Variants in WWOX observed in about 807,000 individuals in gnomAD.
WWOX encodes the protein WW domain-containing oxidoreductase.
Under a neutral mutation model 46.2 loss-of-function variants are expected in WWOX, and 69 were observed. That is an observed-to-expected ratio of 1.49 (90% confidence interval 1.23 to 1.82). WWOX has a LOEUF of 1.82. WWOX is among the 40% of genes most tolerant of loss of function. The probability of loss-of-function intolerance (pLI) is 0.00; values close to 1 mark genes in which losing one functional copy is unlikely to be tolerated. For missense variants in WWOX, 919 were observed against 542.6 expected, an observed-to-expected ratio of 1.69 and a Z score of -6.89; for synonymous variants, 359 against 202.6, an observed-to-expected ratio of 1.77 and a Z score of -6.56.
chr16:78,569,160 C>T (rs574016679), intron 8 of WWOX, among the ~76,000 whole-genome samples: 7 of 152,236 alleles, frequency 4.6e-5, no homozygotes, highest in African/African-American at 1.7e-4. Context: ...GAGGGAAGAA[C>T]CCTATGGGCA....
At chr16:78,310,212 C>A (rs1449489553) in intron 5 of WWOX, among the ~76,000 whole-genome samples, 1 of 151,950 alleles carries the variant, frequency 6.6e-6, no homozygotes, top group Non-Finnish European at 1.5e-5. Flanking sequence ...TTCCTTCTAC[C>A]CACGAATTTT....
At chr16:78,579,269 G>A (rs962730872) in intron 8 of WWOX, among the ~76,000 whole-genome samples, 1 of 152,156 alleles carries the variant, frequency 6.6e-6, no homozygotes, top group Non-Finnish European at 1.5e-5. Context: ...AAGGAGATAA[G>A]TACTTAAATT....
intron 8 of WWOX, among the ~76,000 whole-genome samples, chr16:78,438,541 C>T (rs941452882): frequency 7.2e-5 from 11 of 152,060 alleles, no homozygotes; most frequent in African/African-American, 2.7e-4. Context: ...CCTTTGTGGA[C>T]CAGTATGCAG....
intron 5 of WWOX, among the ~76,000 whole-genome samples, chr16:78,234,446 G>A (rs1003916029): frequency 6.6e-6 from 1 of 152,082 alleles, no homozygotes; most frequent in African/African-American, 2.4e-5. Context: ...CCATACCGCT[G>A]GCTAAAGTGG....
intron 6 of WWOX, among the ~76,000 whole-genome samples, chr16:78,396,472 G>C (rs922378115): frequency 3.3e-5 from 5 of 152,130 alleles, no homozygotes; most frequent in African/African-American, 1.2e-4. Context: ...TGAAATCAAA[G>C]TCATATATGT....
chr16:79,023,681 A>T (rs2047580218), intron 8 of WWOX, among the ~76,000 whole-genome samples: 2 of 152,054 alleles, frequency 1.3e-5, no homozygotes, highest in Admixed American at 6.6e-5. Context: ...GCACTTTGGG[A>T]GGCTGAGGCA....
chr16:79,023,340 C>G (rs1399007873), intron 8 of WWOX, among the ~76,000 whole-genome samples: 2 of 152,208 alleles, frequency 1.3e-5, no homozygotes, highest in Non-Finnish European at 2.9e-5. Flanking sequence ...CCAGCATCCT[C>G]TTGGTATGAG....
intron 8 of WWOX, among the ~76,000 whole-genome samples, chr16:78,955,836 G>A (rs370513089): frequency 3.3e-5 from 5 of 151,366 alleles, no homozygotes; most frequent in African/African-American, 7.3e-5. Context: ...TAAAGATGAG[G>A]TCTCACTATG....
intron 8 of WWOX, among the ~76,000 whole-genome samples, chr16:79,104,723 C>G (rs2049272609): frequency 6.6e-6 from 1 of 152,034 alleles, no homozygotes; most frequent in African/African-American, 2.4e-5. Flanking sequence ...AATGCTGGGC[C>G]CCAGCATGAG....
At chr16:78,401,450 C>T (rs908229067) in intron 6 of WWOX, among the ~76,000 whole-genome samples, 2 of 152,054 alleles carry the variant, frequency 1.3e-5, no homozygotes, top group African/African-American at 2.4e-5. Context: ...TGTAGCCCAT[C>T]AATTGTCTAA....
intron 8 of WWOX, among the ~76,000 whole-genome samples, chr16:79,125,043 CCAT>C (rs76499760): frequency 6.9e-5 from 8 of 116,316 alleles, no homozygotes; most frequent in African/African-American, 2.9e-4. Flanking sequence ...ACCTATTTTC[CCAT>C]CTTTTTTTTT....
At chr16:79,047,276 G>A (rs1165859791) in intron 8 of WWOX, among the ~76,000 whole-genome samples, 1 of 152,186 alleles carries the variant, frequency 6.6e-6, no homozygotes, top group Non-Finnish European at 1.5e-5. Flanking sequence ...AAATACTTGT[G>A]TGAGAAGCAA....
intron 5 of WWOX, 37 bp from the exon 6 acceptor site, chr16:78,386,823 G>A: frequency 6.3e-7 from 1 of 1,575,360 alleles, no homozygotes; most frequent in East Asian, 2.2e-5. Flanking sequence ...TACACTTGCT[G>A]TTATTTATCA....
At chr16:79,083,368 C>G (rs1009863845) in intron 8 of WWOX, among the ~76,000 whole-genome samples, 10 of 152,154 alleles carry the variant, frequency 6.6e-5, no homozygotes, top group African/African-American at 2.4e-4. Flanking sequence ...AGATGAAACC[C>G]ATGTCTTCCT....
At chr16:78,133,986 A>G (rs1026319377) in intron 4 of WWOX, among the ~76,000 whole-genome samples, 15 of 152,232 alleles carry the variant, frequency 9.9e-5, no homozygotes, top group Admixed American at 2.6e-4. Context: ...CACAGGTATT[A>G]TCCCTAAGAT....
At chr16:78,110,183 T>G (rs1017800690) in intron 3 of WWOX, among the ~76,000 whole-genome samples, 2 of 151,654 alleles carry the variant, frequency 1.3e-5, no homozygotes, top group Admixed American at 1.3e-4. Context: ...CTACTAAAAA[T>G]ATAAAAATGA....
chr16:79,206,396 A>T lies in WWOX; in HGVS notation c.1057-5212A>T, dbSNP rs1213736031. 4 of 152,212 alleles carry T rather than the reference A, an allele frequency of 2.6e-5. No individual in the cohort carries two copies. In the East Asian group the frequency reaches 5.8e-4, roughly 22 times the overall value. The allele number at this position is 152,212 out of a possible 1,614,324, so 9.4% of individuals were successfully genotyped here. ...CTGAAGTCACTCACTCTACGTAATT[A>T]TCTGTATGGCTTTGGACGAGTTGCT... On this transcript the variant is annotated intron_variant, in intron 8 of 8. Transcript: ENST00000566780.
chr16:78,729,872 C>G (rs2048927129), intron 8 of WWOX, among the ~76,000 whole-genome samples: 1 of 152,118 alleles, frequency 6.6e-6, no homozygotes, highest in Non-Finnish European at 1.5e-5. Flanking sequence ...ACTGTGGTCC[C>G]AAACCCACAG....
At position 79,212,433 on chromosome 16, in the gene WWOX, A is replaced by G; in HGVS notation, c.*637A>G. The G allele has an allele frequency of 3.3e-6, 1 of 299,626 alleles. No homozygotes were observed. Among genetic ancestry groups the G allele is most frequent in the Admixed American group, 4.5e-5 (1 of 22,066 alleles). The allele number at this position is 299,626 out of a possible 1,614,324, so 18.6% of individuals were successfully genotyped here. A position where few individuals can be genotyped will look rare whatever the true frequency, so the allele number is the denominator to read the frequency against. On this transcript the variant is annotated 3_prime_UTR_variant, in exon 9 of 9. Coordinates refer to ENST00000566780, the MANE Select transcript of WWOX (RefSeq NM_016373.4). ...CTCCTTTGCTAATGCTATGCAAAAA[A>G]TTCTTTAGAGATTATAACAAATTTT... is the stretch of plus-strand genomic sequence containing the variant.
Sources: allele counts gnomAD v4.1 joint callset (sites outside exome capture counted in the v4.1 genomes callset), GRCh38; gene constraint gnomAD v4.1.1; transcripts MANE v1.5; gene names NCBI Gene and HGNC (gene_info 2026-07-23, HGNC 2026-07-21).